The following ZNF169 variants were observed in gnomAD, a reference collection of about 807,000 sequenced individuals.
ZNF169 encodes the protein zinc finger protein 169.
A neutral mutation model predicts 12.0 loss-of-function variants in ZNF169; 11 were observed. That is an observed-to-expected ratio of 0.92 (90% confidence interval 0.58 to 1.52). The LOEUF (loss-of-function observed/expected upper bound fraction) is 1.52. Among genes scored for constraint, ZNF169 ranks in the 40% most tolerant of loss-of-function variants. ZNF169 has a pLI of 0.00. For synonymous variants in ZNF169, 302 were observed against 286.5 expected, an observed-to-expected ratio of 1.05 and a Z score of -0.55; for missense variants, 722 against 744.0, an observed-to-expected ratio of 0.97 and a Z score of 0.34.
At chr9:94,292,903 G>A in intron 3 of ZNF169, 71 bp from the exon 4 acceptor site, 2 of 1,368,988 alleles carry the variant, frequency 1.5e-6, no homozygotes, top group African/African-American at 1.4e-5. Flanking sequence ...TCCTGGGTTG[G>A]CTCTGAGTTC....
intron 1 of ZNF169, among the ~76,000 whole-genome samples, chr9:94,267,203 T>A (rs1830310254): frequency 1.3e-5 from 2 of 152,308 alleles, no homozygotes; most frequent in South Asian, 4.1e-4. Flanking sequence ...GGTGAATACC[T>A]CTCCTCTTGA....
intron 4 of ZNF169, chr9:94,296,879 A>G (rs572483803): frequency 4.4e-6 from 2 of 451,300 alleles, no homozygotes; most frequent in African/African-American, 4.0e-5. Context: ...CCCCATCTCT[A>G]CTAAAAATAC....
intron 4 of ZNF169, chr9:94,296,735 C>T: frequency 4.4e-6 from 2 of 457,034 alleles, no homozygotes; most frequent in South Asian, 3.1e-5. Flanking sequence ...GTCTCTATGC[C>T]AATACCACAG....
intron 4 of ZNF169, chr9:94,294,839 CTT>C (rs1830919103): frequency 6.6e-6 from 1 of 152,110 alleles, no homozygotes; most frequent in African/African-American, 2.4e-5. Context: ...ACATTTAGGT[CTT>C]TAACTGGAAT....
chr9:94,294,464 T>G (rs1216556306), intron 4 of ZNF169: 1 of 152,002 alleles, frequency 6.6e-6, no homozygotes, highest in Non-Finnish European at 1.5e-5. Context: ...AGATATATAC[T>G]TAGGTGTGTA....
rs2118599007 is a variant in ZNF169, at chr9:94,280,011, A to G, written c.33+1166A>G. ...AACATAAATAGCTGCCAGGCAGGGC[A>G]TTTTTGTATTGATTTTATCAATTAC... On this transcript the variant is annotated intron_variant, in intron 2 of 4. Coordinates refer to ENST00000395395, the MANE Select transcript of ZNF169 (RefSeq NM_194320.4). Among the ~76,000 whole-genome samples, 3 of 152,338 alleles carry G rather than the reference A, an allele frequency of 2.0e-5. 1 individual carries two copies. The Middle Eastern group carries it at 0.01, about 518-fold the overall frequency.
chr9:94,259,360 A>T lies in ZNF169; in HGVS notation c.-56+15A>T, dbSNP rs1192601880. The T allele has an allele frequency of 6.6e-6, 1 of 152,356 alleles. No homozygotes were observed. Among genetic ancestry groups the T allele is most frequent in the Non-Finnish European group, 1.5e-5 (1 of 68,202 alleles). 9.4% of individuals were successfully genotyped at this position (152,356 alleles called of 1,614,324 possible). A position where few individuals can be genotyped will look rare whatever the true frequency, so the allele number is the denominator to read the frequency against. ...CCTGGTGCGTGGTGAGTGTCCTTTC[A>T]CAGTTCTGGTGAGCTAGCCCGGAGG... is the stretch of plus-strand genomic sequence containing the variant. On this transcript the variant is annotated intron_variant, in intron 1 of 4. Coordinates refer to ENST00000395395, the MANE Select transcript of ZNF169 (RefSeq NM_194320.4).
chr9:94,273,579 C>CT (rs56165942), intron 1 of ZNF169, among the ~76,000 whole-genome samples: 30,997 of 118,646 alleles, frequency 0.26, 5,239 homozygotes, highest in East Asian at 0.52. Flanking sequence ...TTCTTTCTTT[C>CT]TTTTTTTTTT....
At position 94,293,083 on chromosome 9, in the gene ZNF169, C is replaced by T. The variant is rs753473593; in HGVS notation, c.256+14C>T. 9.3e-6 allele frequency: 15 copies of T among 1,608,536 alleles called. 1 individual carries two copies. The South Asian group carries it at 1.3e-4, about 14-fold the overall frequency. On this transcript the variant is annotated intron_variant, in intron 4 of 4. Transcript: ENST00000395395. The stretch of plus-strand genomic sequence containing the variant: ...ACCTTTGTCCAGGTGAGTGGGAAGC[C>T]CTGGGCAAGCGAGGGTGCAGGGCAG...
chr9:94,286,623 G>A (rs922102308), intron 2 of ZNF169, among the ~76,000 whole-genome samples: 7 of 152,082 alleles, frequency 4.6e-5, no homozygotes, highest in Non-Finnish European at 1.0e-4. Context: ...AATGCAAGAC[G>A]CTAAAATGTA....
At chr9:94,268,901 G>A (rs1830340026) in intron 1 of ZNF169, among the ~76,000 whole-genome samples, 1 of 151,884 alleles carries the variant, frequency 6.6e-6, no homozygotes, top group African/African-American at 2.4e-5. Flanking sequence ...ACAGAATTCA[G>A]TCAACAGAGA....
intron 3 of ZNF169, 140 bp downstream of exon 3, chr9:94,292,607 T>TTTGTGTG (rs386415517): frequency 0.012 from 8,364 of 676,888 alleles, 16 homozygotes; most frequent in East Asian, 0.014. Flanking sequence ...CACAGTGCAG[T>TTTGTGTG]TGTGTGTGTG....
intron 2 of ZNF169, chr9:94,288,227 C>T (rs985971837): frequency 8.6e-6 from 7 of 815,666 alleles, no homozygotes; most frequent in Middle Eastern, 2.3e-4. Context: ...CATTTTTTTC[C>T]CCCAGTGTTA....
chr9:94,260,738 CAG>C (rs1447301103), intron 1 of ZNF169, among the ~76,000 whole-genome samples: 1 of 151,422 alleles, frequency 6.6e-6, no homozygotes, highest in Non-Finnish European at 1.5e-5. Context: ...TCTCAAGCCT[CAG>C]GGGGCTGTTG....
In ZNF169 at chr9:94,288,493, T is replaced by C. The variant is rs535612585; in HGVS notation, c.34-3848T>C. The C allele has an allele frequency of 4.0e-5, 29 of 723,068 alleles. No individual in the cohort carries two copies. In the African/African-American group the frequency reaches 4.2e-4, roughly 10 times the overall value. The allele number at this position is 723,068 out of a possible 1,614,324, so 44.8% of individuals were successfully genotyped here. A position where few individuals can be genotyped will look rare whatever the true frequency, so the allele number is the denominator to read the frequency against. Reference sequence around the variant, plus strand: ...CTTTATTAAGCCAAATCCATAGCCATTGGTGAAGACATCCCTGGCAGATTT... The same window carrying C: ...CTTTATTAAGCCAAATCCATAGCCACTGGTGAAGACATCCCTGGCAGATTT... On this transcript the variant is annotated intron_variant, in intron 2 of 4. Coordinates refer to ENST00000395395, the MANE Select transcript of ZNF169 (RefSeq NM_194320.4).
chr9:94,287,349 C>T (rs969706968), intron 2 of ZNF169, among the ~76,000 whole-genome samples: 2 of 146,956 alleles, frequency 1.4e-5, no homozygotes, highest in East Asian at 4.4e-4. Context: ...GGTTGCTATA[C>T]TGCAAAATTG....
chr9:94,270,968 T>A (rs9409715), intron 1 of ZNF169, among the ~76,000 whole-genome samples: 43 of 390 alleles, frequency 0.11, 2 homozygotes, highest in Admixed American at 0.43. Context: ...AATAATATAT[T>A]ATATATTATA....
At chr9:94,281,755 A>G (rs1388416236) in intron 2 of ZNF169, among the ~76,000 whole-genome samples, 1 of 152,176 alleles carries the variant, frequency 6.6e-6, no homozygotes, top group Non-Finnish European at 1.5e-5. Context: ...AGGGGCTCCG[A>G]GGCTATAGGT....
chr9:94,268,785 CAA>C (rs58102758), intron 1 of ZNF169, among the ~76,000 whole-genome samples: 22 of 113,282 alleles, frequency 1.9e-4, no homozygotes, highest in East Asian at 1.5e-3. Context: ...GACTCCATTT[CAA>C]AAAAAAAAAA....
Sources: gnomAD v4.1 joint callset for allele counts (sites outside exome capture counted in the v4.1 genomes callset) on GRCh38, gnomAD v4.1.1 for gene constraint, MANE v1.5 for transcripts, NCBI Gene and HGNC (gene_info 2026-07-23, HGNC 2026-07-21) for gene names.